The following EYS variants were observed in gnomAD, a reference collection of about 807,000 sequenced individuals.
The protein encoded by EYS is protein eyes shut homolog.
Under a neutral mutation model 282.1 loss-of-function variants are expected in EYS, and 250 were observed. The ratio of observed to expected loss-of-function variants is 0.89; its 90% CI spans 0.80 to 0.98. EYS has a LOEUF of 0.98. Ranked by LOEUF, EYS falls within the 50% of genes least tolerant of loss-of-function variation. The pLI is 0.00. For missense variants in EYS, 4,016 were observed against 3,709.0 expected (o/e 1.08, Z -2.15); for synonymous variants, 1,355 against 1,282.9 (o/e 1.06, Z -1.20).
intron 28 of EYS, among the ~76,000 whole-genome samples, chr6:64,435,077 C>G (rs966024812): frequency 6.6e-6 from 1 of 152,006 alleles, no homozygotes; most frequent in East Asian, 1.9e-4. Context: ...CTGCCCCCAG[C>G]ATTTGTTATT....
At chr6:64,546,743 A>T (rs1401858210) in intron 26 of EYS, among the ~76,000 whole-genome samples, 2 of 152,268 alleles carry the variant, frequency 1.3e-5, no homozygotes, top group Admixed American at 6.5e-5. Context: ...AAAAGAAGAC[A>T]TTTATGCAGC....
At chr6:64,420,682 T>A (rs1040548464) in intron 28 of EYS, among the ~76,000 whole-genome samples, 7 of 152,164 alleles carry the variant, frequency 4.6e-5, no homozygotes, top group Admixed American at 2.0e-4. Context: ...CTTAGAAATT[T>A]CTTCTGCCAG....
intron 35 of EYS, among the ~76,000 whole-genome samples, chr6:63,904,217 G>A (rs2149733288): frequency 6.6e-6 from 1 of 152,268 alleles, no homozygotes; most frequent in Admixed American, 6.5e-5. Context: ...TAAAGGATGT[G>A]CAGCTTGTGT....
At chr6:65,661,264 C>G (rs769783422) in intron 1 of EYS, among the ~76,000 whole-genome samples, 7 of 151,818 alleles carry the variant, frequency 4.6e-5, no homozygotes, top group Admixed American at 1.3e-4. Flanking sequence ...CAACAATAAG[C>G]ATCTTTTGAG....
At chr6:64,129,799 A>G (rs972457571) in intron 31 of EYS, among the ~76,000 whole-genome samples, 1 of 152,138 alleles carries the variant, frequency 6.6e-6, no homozygotes, top group Non-Finnish European at 1.5e-5. Flanking sequence ...TCTTGAATTA[A>G]TTTTTGTATA....
chr6:64,456,023 A>T (rs995099956), intron 26 of EYS, among the ~76,000 whole-genome samples: 11 of 152,070 alleles, frequency 7.2e-5, no homozygotes, highest in Non-Finnish European at 1.6e-4. Context: ...TATATTTAGG[A>T]TATTTGCATC....
intron 4 of EYS, 23 bp from the exon 5 acceptor site, chr6:65,490,730 T>C: frequency 7.3e-7 from 1 of 1,375,774 alleles, no homozygotes; most frequent in Admixed American, 1.7e-5. Context: ...AAAAAAGTTT[T>C]TTTTACATTG....
chr6:64,119,662 A>C (rs768522100), intron 31 of EYS, among the ~76,000 whole-genome samples: 3 of 152,236 alleles, frequency 2.0e-5, no homozygotes, highest in Non-Finnish European at 2.9e-5. Flanking sequence ...TTGTGTAGCA[A>C]AACTTAATAT....
rs1040002337 is a variant in EYS, at chr6:64,902,189, G to A, written c.2770C>T (p.Leu924=). Residue 924 remains leucine (L), a synonymous_variant, in exon 18 of 43, where the codon CTG becomes TTG. Transcript: ENST00000503581. ...CICRPGFSGS[L]CEIEINECSS... ...CATTCATTAATTTCAATTTCACACA[G>A]AGATCCAGAAAACCCAGGTCTGCAA... The A allele has an allele frequency of 1.9e-6, 3 of 1,550,604 alleles. No homozygotes were observed. The South Asian group carries it at 3.6e-5, about 18-fold the overall frequency.
intron 22 of EYS, among the ~76,000 whole-genome samples, chr6:64,700,123 A>G (rs979579510): frequency 1.3e-5 from 2 of 152,064 alleles, no homozygotes; most frequent in African/African-American, 2.4e-5. Context: ...ACGGAATTAA[A>G]ATTTAAAACC....
At chr6:65,106,912 A>G (rs1168708259) in intron 12 of EYS, among the ~76,000 whole-genome samples, 1 of 152,060 alleles carries the variant, frequency 6.6e-6, no homozygotes, top group East Asian at 1.9e-4. Flanking sequence ...TGGCCACTAC[A>G]TGGCTGGGTT....
At chr6:64,298,001 T>TAAAAAAA (rs1769097836) in intron 30 of EYS, among the ~76,000 whole-genome samples, 19 of 134,028 alleles carry the variant, frequency 1.4e-4, no homozygotes, top group African/African-American at 5.7e-4. Context: ...AAAAAAAAAT[T>TAAAAAAA]AGGTAGAAAT....
In EYS at chr6:65,344,191, G is replaced by A. The variant is rs1419519456; in HGVS notation, c.1460-14C>T. The A allele has an allele frequency of 1.3e-6, 2 of 1,585,752 alleles. No homozygotes were observed. The highest frequency in any genetic ancestry group is 8.6e-7 in the Non-Finnish European group (1 of 1,157,330). ...CGCCTTCAGATCCTTTAAAAAAAAAGAGATAAAAAATTAAATAAACTCTTA... is the reference window on the plus strand; with the variant it reads ...CGCCTTCAGATCCTTTAAAAAAAAAAAGATAAAAAATTAAATAAACTCTTA... On this transcript the variant is annotated splice_polypyrimidine_tract_variant and intron_variant, in intron 9 of 42. Coordinates refer to ENST00000503581, the MANE Select transcript of EYS (RefSeq NM_001142800.2).
intron 29 of EYS, among the ~76,000 whole-genome samples, chr6:64,364,119 C>T (rs1033329507): frequency 1.3e-5 from 2 of 151,776 alleles, no homozygotes; most frequent in African/African-American, 2.4e-5. Context: ...AGTCTCTAGG[C>T]TTTTTCCTGT....
At chr6:64,488,958 A>C (rs1039602754) in intron 26 of EYS, among the ~76,000 whole-genome samples, 14 of 150,972 alleles carry the variant, frequency 9.3e-5, no homozygotes, top group African/African-American at 3.4e-4. Flanking sequence ...GATATTATTT[A>C]ATCTATTTCT....
intron 8 of EYS, among the ~76,000 whole-genome samples, chr6:65,358,047 T>G (rs1052859417): frequency 6.6e-6 from 1 of 151,934 alleles, no homozygotes; most frequent in Non-Finnish European, 1.5e-5. Context: ...CACAGCGACC[T>G]CAGGTACTAC....
chr6:64,195,208 A>G (rs1765245395), intron 31 of EYS, among the ~76,000 whole-genome samples: 1 of 152,178 alleles, frequency 6.6e-6, no homozygotes, highest in Admixed American at 6.5e-5. Context: ...TTTCTTTAGT[A>G]AAGATCTACT....
chr6:64,519,297 G>A (rs756819128), intron 26 of EYS, among the ~76,000 whole-genome samples: 1 of 151,732 alleles, frequency 6.6e-6, no homozygotes, highest in African/African-American at 2.4e-5. Context: ...GACATGAGTG[G>A]TGCTGGGAGT....
At chr6:64,626,332 G>A (rs951327344) in intron 22 of EYS, 87 bp from the exon 23 acceptor site, 27 of 1,451,610 alleles carry the variant, frequency 1.9e-5, no homozygotes, top group African/African-American at 1.8e-4. Context: ...TCATTCAAAC[G>A]TGTTTTCAGA....
Sources: gnomAD v4.1 joint callset for allele counts (sites outside exome capture counted in the v4.1 genomes callset) on GRCh38, gnomAD v4.1.1 for gene constraint, MANE v1.5 for transcripts, NCBI Gene and HGNC (gene_info 2026-07-23, HGNC 2026-07-21) for gene names.